CDKAL1: variants seen among roughly 807,000 people sequenced by gnomAD.
CDKAL1 encodes CDKAL1 threonylcarbamoyladenosine tRNA methylthiotransferase.
Under a neutral mutation model 68.2 loss-of-function variants are expected in CDKAL1, and 32 were observed. That is an observed-to-expected ratio of 0.47 (90% CI 0.35 to 0.63). The LOEUF is 0.63. Among genes scored for constraint, CDKAL1 ranks in the 30% least tolerant of loss-of-function variants. The pLI is 0.00. For missense variants in CDKAL1, 606 were observed against 696.7 expected, an observed-to-expected ratio of 0.87 and a Z score of 1.47; for synonymous variants, 234 against 244.3, an observed-to-expected ratio of 0.96 and a Z score of 0.39.
chr6:20,746,537 G>A (rs570661016), intron 6 of CDKAL1, among the ~76,000 whole-genome samples: 3 of 152,170 alleles, frequency 2.0e-5, no homozygotes, highest in Non-Finnish European at 4.4e-5. Flanking sequence ...AAGGGATTTG[G>A]AAATTGAGCC....
At chr6:20,827,825 G>A (rs1159501344) in intron 8 of CDKAL1, among the ~76,000 whole-genome samples, 2 of 152,052 alleles carry the variant, frequency 1.3e-5, no homozygotes, top group African/African-American at 2.4e-5. Context: ...TAAGACTGTC[G>A]ATATACTTCT....
At chr6:20,602,175 A>G (rs1268903271) in intron 4 of CDKAL1, among the ~76,000 whole-genome samples, 1 of 152,184 alleles carries the variant, frequency 6.6e-6, no homozygotes, top group Non-Finnish European at 1.5e-5. Context: ...TAGGTGAAGT[A>G]ATTTGCTAAA....
At chr6:20,758,235 A>G (rs754814084) in intron 6 of CDKAL1, among the ~76,000 whole-genome samples, 1 of 152,136 alleles carries the variant, frequency 6.6e-6, no homozygotes, top group Non-Finnish European at 1.5e-5. Flanking sequence ...TTGTCGTTTT[A>G]TGCCATTTTT....
chr6:20,959,797 G>C (rs902298396), intron 10 of CDKAL1, among the ~76,000 whole-genome samples: 1 of 151,984 alleles, frequency 6.6e-6, no homozygotes, highest in Non-Finnish European at 1.5e-5. Context: ...CTCTGACCTT[G>C]TAGAAAGTGA....
chr6:20,611,192 A>C (rs754471742), intron 4 of CDKAL1, among the ~76,000 whole-genome samples: 1 of 152,164 alleles, frequency 6.6e-6, no homozygotes, highest in Non-Finnish European at 1.5e-5. Flanking sequence ...GTGAATGTCT[A>C]TTCAGCTACT....
intron 5 of CDKAL1, among the ~76,000 whole-genome samples, chr6:20,728,795 T>C (rs1255510398): frequency 6.6e-6 from 1 of 152,230 alleles, no homozygotes; most frequent in African/African-American, 2.4e-5. Context: ...ATATTCTCTA[T>C]AATAAGAAAG....
At chr6:20,722,801 G>A (rs1224741591) in intron 5 of CDKAL1, among the ~76,000 whole-genome samples, 2 of 152,012 alleles carry the variant, frequency 1.3e-5, no homozygotes, top group African/African-American at 2.4e-5. Flanking sequence ...CCCCCATCCT[G>A]TGCCTATAAA....
At chr6:20,631,330 C>A (rs1416203755) in intron 4 of CDKAL1, among the ~76,000 whole-genome samples, 1 of 152,178 alleles carries the variant, frequency 6.6e-6, no homozygotes, top group East Asian at 1.9e-4. Context: ...TGGCACAGTT[C>A]TGCTTGCATA....
At chr6:21,138,409 C>T (rs1383522577) in intron 13 of CDKAL1, among the ~76,000 whole-genome samples, 1 of 152,204 alleles carries the variant, frequency 6.6e-6, no homozygotes, top group Non-Finnish European at 1.5e-5. Context: ...AGGCAGCATG[C>T]TGTATATCAG....
chr6:20,638,145 C>A (rs558514840), intron 4 of CDKAL1, among the ~76,000 whole-genome samples: 1 of 152,306 alleles, frequency 6.6e-6, no homozygotes, highest in South Asian at 2.1e-4. Flanking sequence ...GATCTGGTAT[C>A]TATGCCCACC....
At chr6:20,810,415 CACACACACACACACACA>C (rs1157030197) in intron 8 of CDKAL1, among the ~76,000 whole-genome samples, 1 of 142,038 alleles carries the variant, frequency 7.0e-6, no homozygotes, top group Non-Finnish European at 1.5e-5. Context: ...CACACACACA[CACACACACACACACACA>C]CACACACACA....
chr6:20,883,923 C>A (rs1175829030), intron 9 of CDKAL1, among the ~76,000 whole-genome samples: 1 of 152,104 alleles, frequency 6.6e-6, no homozygotes, highest in African/African-American at 2.4e-5. Flanking sequence ...GAATTAACAC[C>A]AGTCCCTCTG....
rs141541123 is a variant in CDKAL1 at position 20,723,285 on chromosome 6, G to A, written c.372-16234G>A. Among the ~76,000 whole-genome samples the A allele has an allele frequency of 5.6e-3, 853 of 152,344 alleles. 6 individuals carry two copies. Among genetic ancestry groups the A allele is most frequent in the African/African-American group, 0.019 (800 of 41,580 alleles). ...TGAGCTGCTAACACACGCTGTCTGCGGATGGCAGAACTAAAGAAGCACTGT... is the reference window on the plus strand; with the variant it reads ...TGAGCTGCTAACACACGCTGTCTGCAGATGGCAGAACTAAAGAAGCACTGT... On this transcript the variant is annotated intron_variant, in intron 5 of 15. Coordinates refer to ENST00000274695, the MANE Select transcript of CDKAL1 (RefSeq NM_017774.3).
At chr6:20,580,765 C>T (rs1288685839) in intron 4 of CDKAL1, among the ~76,000 whole-genome samples, 1 of 151,632 alleles carries the variant, frequency 6.6e-6, no homozygotes, top group East Asian at 1.9e-4. Context: ...CCCTTCAACT[C>T]ATGGTTAGGT....
chr6:21,141,947 G>C (rs1562066267), intron 13 of CDKAL1, among the ~76,000 whole-genome samples: 2 of 151,984 alleles, frequency 1.3e-5, no homozygotes, highest in East Asian at 3.9e-4. Context: ...GAAAACATTG[G>C]TGCTTGTCTT....
intron 10 of CDKAL1, among the ~76,000 whole-genome samples, chr6:20,967,355 ATTAC>A (rs1765369785): frequency 6.6e-6 from 1 of 152,136 alleles, no homozygotes; most frequent in African/African-American, 2.4e-5. Context: ...TGACATTTTA[ATTAC>A]TTTGTTGTTT....
intron 5 of CDKAL1, among the ~76,000 whole-genome samples, chr6:20,696,500 A>G (rs1419324591): frequency 1.3e-5 from 2 of 152,212 alleles, no homozygotes; most frequent in African/African-American, 4.8e-5. Context: ...GTTGTGTAAA[A>G]CTAGAATACA....
chr6:21,186,627 T>C (rs1470408574), intron 13 of CDKAL1, among the ~76,000 whole-genome samples: 1 of 152,180 alleles, frequency 6.6e-6, no homozygotes, highest in Non-Finnish European at 1.5e-5. Context: ...GCAAGAATAA[T>C]TTAATGGTCA....
At chr6:20,808,671 A>T (rs763111816) in intron 8 of CDKAL1, among the ~76,000 whole-genome samples, 1 of 152,044 alleles carries the variant, frequency 6.6e-6, no homozygotes, top group Non-Finnish European at 1.5e-5. Flanking sequence ...ACTGTTGAAA[A>T]TTTGGTTCTG....
Sources: allele counts gnomAD v4.1 joint callset (sites outside exome capture counted in the v4.1 genomes callset), GRCh38; gene constraint gnomAD v4.1.1; transcripts MANE v1.5; gene names NCBI Gene and HGNC (gene_info 2026-07-23, HGNC 2026-07-21).